SSH1: variants seen among roughly 807,000 people sequenced by gnomAD.
SSH1 encodes the protein protein phosphatase Slingshot homolog 1.
In SSH1, 43 loss-of-function variants were observed where a neutral mutation model predicts 79.7. That is an observed-to-expected ratio of 0.54 (90% CI 0.42 to 0.70). The LOEUF is 0.70. Among genes scored for constraint, SSH1 ranks in the 30% least tolerant of loss-of-function variants. SSH1 has a pLI of 0.00. For missense variants in SSH1, 1,206 were observed against 1,358.8 expected, an observed-to-expected ratio of 0.89 and a Z score of 1.77; for synonymous variants, 599 against 538.3, an observed-to-expected ratio of 1.11 and a Z score of -1.56.
In SSH1 at chr12:108,781,624, G is replaced by C. The variant is rs1291161586; in HGVS notation, c.*6364C>G. 2 of 152,226 alleles carry C rather than the reference G, an allele frequency of 1.3e-5. No homozygotes were observed. The highest frequency in any genetic ancestry group is 4.8e-5 in the African/African-American group (2 of 41,452). 9.4% of individuals were successfully genotyped at this position (152,226 alleles called of 1,614,324 possible). ...ATTTAGGGGTCACGCCCAGGTACTTGTGACAGTTAGTGCTCACCAAATACA... is the reference window on the plus strand; with the variant it reads ...ATTTAGGGGTCACGCCCAGGTACTTCTGACAGTTAGTGCTCACCAAATACA... On this transcript the variant is annotated 3_prime_UTR_variant, in exon 15 of 15. Coordinates refer to ENST00000326495, the MANE Select transcript of SSH1 (RefSeq NM_018984.4).
rs1555238944 is a variant in SSH1 at position 108,836,014 on chromosome 12, T to TTA, written c.111-12654_111-12653insTA. Reference sequence around the variant, plus strand: ...CTATATTAATATAATCGATTATAACTATATTAATATAATCGATTATATTAA... The same window carrying TTA: ...CTATATTAATATAATCGATTATAACTTAATATTAATATAATCGATTATATTAA... On this transcript the variant is annotated intron_variant, in intron 2 of 14. Coordinates refer to ENST00000326495, the MANE Select transcript of SSH1 (RefSeq NM_018984.4). Among the ~76,000 whole-genome samples, 29 of 66,058 alleles carry TTA rather than the reference T, an allele frequency of 4.4e-4. No homozygotes were observed. In the East Asian group the frequency reaches 8.4e-3, roughly 19 times the overall value. 43.3% of individuals were successfully genotyped at this position (66,058 alleles called of 152,430 possible). A position where few individuals can be genotyped will look rare whatever the true frequency, so the allele number is the denominator to read the frequency against.
rs1385080661 is a variant in SSH1 at position 108,786,834 on chromosome 12, C to G, written c.*1154G>C. The stretch of plus-strand genomic sequence containing the variant: ...CACCTTTGATTCAAGCCTGGCGCAG[C>G]GGGACTGGCTGAGCTCACCTGAGTC... On this transcript the variant is annotated 3_prime_UTR_variant, in exon 15 of 15. Transcript: ENST00000326495. The G allele has an allele frequency of 6.6e-6, 1 of 152,200 alleles. No homozygotes were observed. Among genetic ancestry groups the G allele is most frequent in the Admixed American group, 6.5e-5 (1 of 15,282 alleles). The allele number at this position is 152,200 out of a possible 1,614,324, so 9.4% of individuals were successfully genotyped here. A position where few individuals can be genotyped will look rare whatever the true frequency, so the allele number is the denominator to read the frequency against.
intron 2 of SSH1, among the ~76,000 whole-genome samples, chr12:108,844,244 ATCCC>A (rs1012144579): frequency 3.3e-5 from 5 of 152,052 alleles, no homozygotes; most frequent in Non-Finnish European, 2.9e-5. Flanking sequence ...ACCCATGCCC[ATCCC>A]TCCCTAAGTC....
At chr12:108,834,561 G>A (rs144919965) in intron 2 of SSH1, among the ~76,000 whole-genome samples, 36 of 152,302 alleles carry the variant, frequency 2.4e-4, no homozygotes, top group African/African-American at 8.7e-4. Context: ...TGAATTAGTG[G>A]GTTCTGCGGG....
rs2036370829 is a variant in SSH1, at chr12:108,788,651, T to C, written c.2487A>G (p.Leu829=). 1.2e-6 allele frequency: 2 copies of C among 1,614,064 alleles called. No individual in the cohort carries two copies. The stretch of plus-strand genomic sequence containing the variant: ...CTGCAGGCACGCTCTTCAGCCGCTC[T>C]AGCTCTTTGGTGTGCTTGCGGACCA... The part of the protein sequence containing the change: ...AGLVRKHTKE[L]ERLKSVPADP... The change falls in exon 15 of 15, where the codon CTA becomes CTG. Residue 829 remains leucine (L), a synonymous_variant. Coordinates refer to ENST00000326495, the MANE Select transcript of SSH1 (RefSeq NM_018984.4).
In SSH1 at chr12:108,857,056, C is replaced by G. The variant is rs1238520439; in HGVS notation, c.69+372G>C. 5.9e-5 allele frequency among the ~76,000 whole-genome samples: 9 copies of G among 152,248 alleles called. No homozygotes were observed. ...TCTGCACAGTCACCCTTAGGGGTCA[C>G]AACGCACACAGTCTCCGCCTAACAG... On this transcript the variant is annotated intron_variant, in intron 1 of 14. Coordinates refer to ENST00000326495, the MANE Select transcript of SSH1 (RefSeq NM_018984.4). The surrounding 1 kb of genome is among the most constrained non-coding windows in gnomAD (Gnocchi z 4.7).
rs150964391 is a variant in SSH1, at chr12:108,840,368, C to T, written c.110+12270G>A. Among the ~76,000 whole-genome samples the T allele has an allele frequency of 8.8e-3, 1,336 of 152,152 alleles. 21 individuals carry two copies. Among genetic ancestry groups the T allele is most frequent in the African/African-American group, 0.031 (1,290 of 41,510 alleles). ...CCAACATGGTGAAACCCCATCTCTA[C>T]TAAAAATACAAAAAATTCGCCAGGC... On this transcript the variant is annotated intron_variant, in intron 2 of 14. Transcript: ENST00000326495.
At chr12:108,806,167 A>G in intron 9 of SSH1, 134 bp downstream of exon 9, 1 of 855,848 alleles carries the variant, frequency 1.2e-6, no homozygotes. Context: ...GGCAGAAAAA[A>G]GCCTCCGGGG....
intron 2 of SSH1, among the ~76,000 whole-genome samples, chr12:108,848,410 C>G (rs1297033160): frequency 6.6e-6 from 1 of 152,164 alleles, no homozygotes; most frequent in Non-Finnish European, 1.5e-5. Flanking sequence ...TACCCTGCTA[C>G]CTCCAGTTTT....
chr12:108,793,142 T>C (rs562214433), intron 13 of SSH1, among the ~76,000 whole-genome samples: 12 of 152,322 alleles, frequency 7.9e-5, no homozygotes, highest in Admixed American at 1.3e-4. Flanking sequence ...TGATGCCTCA[T>C]TGTCACGTCA....
chr12:108,847,951 G>A (rs1229640479), intron 2 of SSH1, among the ~76,000 whole-genome samples: 2 of 152,186 alleles, frequency 1.3e-5, no homozygotes, highest in South Asian at 2.1e-4. Context: ...TGGGGCAGGC[G>A]CACTTTTAGC....
chr12:108,811,535 C>T, intron 5 of SSH1: 1 of 622,208 alleles, frequency 1.6e-6, no homozygotes, highest in Non-Finnish European at 2.9e-6. Context: ...TCAGCTGAGG[C>T]TTTTGGGTGC....
intron 2 of SSH1, among the ~76,000 whole-genome samples, chr12:108,841,582 T>G (rs11114067): frequency 1.4e-5 from 2 of 144,736 alleles, no homozygotes; most frequent in African/African-American, 2.6e-5. Context: ...CCGAGGCGAG[T>G]GGATCACCTG....
At chr12:108,820,090 C>T (rs540498109) in intron 3 of SSH1, among the ~76,000 whole-genome samples, 1 of 151,978 alleles carries the variant, frequency 6.6e-6, no homozygotes, top group East Asian at 1.9e-4. Context: ...GTTGCCCAGG[C>T]TGGTCTCGAA....
At chr12:108,812,297 CT>C (rs2037651331) in intron 5 of SSH1, among the ~76,000 whole-genome samples, 1 of 152,236 alleles carries the variant, frequency 6.6e-6, no homozygotes, top group African/African-American at 2.4e-5. Flanking sequence ...TCACAGAGCT[CT>C]AGGGACCACG....
intron 2 of SSH1, among the ~76,000 whole-genome samples, chr12:108,840,927 A>G (rs113976420): frequency 0.052 from 7,985 of 152,304 alleles, 279 homozygotes; most frequent in Non-Finnish European, 0.081. Flanking sequence ...CCATAAGCGC[A>G]TGACCTTGCT....
At chr12:108,834,893 C>G (rs979031803) in intron 2 of SSH1, among the ~76,000 whole-genome samples, 3 of 152,216 alleles carry the variant, frequency 2.0e-5, no homozygotes, top group African/African-American at 7.2e-5. Context: ...TCTCTGAAGT[C>G]AGTATTCCAG....
In SSH1 at chr12:108,787,020, C is replaced by T. The variant is rs994462574; in HGVS notation, c.*968G>A. The T allele has an allele frequency of 2.0e-5, 3 of 152,190 alleles. No individual in the cohort carries two copies. The highest frequency in any genetic ancestry group is 6.5e-5 in the Admixed American group (1 of 15,278). The allele number at this position is 152,190 out of a possible 1,614,324, so 9.4% of individuals were successfully genotyped here. ...AGCATCCCGACAGTCCCGTTCCTTT[C>T]GGGGAAGCCGCTGAAATCTCCTTTC... On this transcript the variant is annotated 3_prime_UTR_variant, in exon 15 of 15. Transcript: ENST00000326495.
chr12:108,804,126 T>C (rs937632379), intron 10 of SSH1, among the ~76,000 whole-genome samples: 1 of 152,250 alleles, frequency 6.6e-6, no homozygotes, highest in African/African-American at 2.4e-5. Context: ...CTCACTATGT[T>C]GCCCAGGCTG....
Sources: allele counts gnomAD v4.1 joint callset (sites outside exome capture counted in the v4.1 genomes callset), GRCh38; gene constraint gnomAD v4.1.1; non-coding constraint Gnocchi (gnomAD v3.1); transcripts MANE v1.5; gene names NCBI Gene and HGNC (gene_info 2026-07-23, HGNC 2026-07-21).